CTPS2: variants seen among roughly 807,000 people sequenced by gnomAD.
CTPS2 encodes the protein CTP synthase II.
A neutral mutation model predicts 46.8 loss-of-function variants in CTPS2; 19 were observed. The observed-to-expected ratio is 0.41, with a 90% CI of 0.28 to 0.60. The LOEUF (loss-of-function observed/expected upper bound fraction) is 0.60, where lower values mean the gene tolerates loss of function less well. CTPS2 is among the 20% of genes least tolerant of loss of function. The probability of loss-of-function intolerance (pLI) is 0.35; values close to 1 mark genes in which losing one functional copy is unlikely to be tolerated. For synonymous variants in CTPS2, 151 were observed against 165.2 expected (o/e 0.91, Z 0.66); for missense variants, 286 against 447.6 (o/e 0.64, Z 3.26).
intron 6 of CTPS2, 94 bp from the exon 7 acceptor site, chrX:16,691,714 C>T (rs1284336796): frequency 2.3e-5 from 16 of 690,043 alleles, no homozygotes; most frequent in Middle Eastern, 3.6e-4. Flanking sequence ...CAAGTATGTA[C>T]TTGTTCACTT....
intron 11 of CTPS2, among the ~76,000 whole-genome samples, chrX:16,669,735 G>T (rs145967642): frequency 9.1e-5 from 10 of 109,602 alleles, no homozygotes; most frequent in Admixed American, 2.0e-4. Context: ...TGGTCTGCTG[G>T]CACTAAAAGC....
intron 13 of CTPS2, among the ~76,000 whole-genome samples, chrX:16,653,754 G>C (rs1299134480): frequency 8.9e-6 from 1 of 112,282 alleles, no homozygotes; most frequent in Non-Finnish European, 1.9e-5. Context: ...AAGTCATTTT[G>C]CATAGCTCAA....
At chrX:16,693,969 T>C (rs558168314) in intron 4 of CTPS2, among the ~76,000 whole-genome samples, 2 of 109,888 alleles carry the variant, frequency 1.8e-5, no homozygotes, top group Non-Finnish European at 3.8e-5. Flanking sequence ...ATCGGGACCA[T>C]CCTGGCCAAC....
intron 6 of CTPS2, among the ~76,000 whole-genome samples, chrX:16,692,277 T>TAAAA (rs1353034841): frequency 4.7e-4 from 50 of 106,157 alleles, no homozygotes; most frequent in African/African-American, 1.5e-3. Context: ...ACCCTGTCTC[T>TAAAA]ACAAACACAC....
In CTPS2 at chrX:16,588,783, C is replaced by T. The variant is rs1401652808; in HGVS notation, c.*1034G>A. ...TGGAAATAGTTAAAGGTGGTGGTTG[C>T]TCAACATCAGTGAATGCAACCAAAT... On this transcript the variant is annotated 3_prime_UTR_variant, in exon 19 of 19. Transcript: ENST00000359276. 7.1e-5 allele frequency: 8 copies of T among 112,218 alleles called. No individual in the cohort carries two copies. Among genetic ancestry groups the T allele is most frequent in the South Asian group, 3.7e-4 (1 of 2,694 alleles). 9.2% of individuals were successfully genotyped at this position (112,218 alleles called of 1,213,427 possible). A position where few individuals can be genotyped will look rare whatever the true frequency, so the allele number is the denominator to read the frequency against.
chrX:16,693,105 C>A, intron 6 of CTPS2, 36 bp downstream of exon 6: 17 of 936,448 alleles, frequency 1.8e-5, no homozygotes, highest in Non-Finnish European at 2.6e-5. Flanking sequence ...CTCCCAGAGA[C>A]CTTCAGGATA....
At chrX:16,680,881 G>A (rs927794323) in intron 9 of CTPS2, among the ~76,000 whole-genome samples, 1 of 109,555 alleles carries the variant, frequency 9.1e-6, no homozygotes, top group African/African-American at 3.3e-5. Context: ...GCGAGACCCC[G>A]TCTCTATAAA....
intron 18 of CTPS2, 37 bp downstream of exon 18, chrX:16,590,715 T>A (rs751461755): frequency 2.0e-5 from 15 of 768,371 alleles, no homozygotes; most frequent in Non-Finnish European, 2.6e-5. Context: ...AGCTTGTCCA[T>A]GAGAGAAATG....
chrX:16,653,894 C>T (rs143173071), intron 13 of CTPS2, among the ~76,000 whole-genome samples: 13 of 111,418 alleles, frequency 1.2e-4, no homozygotes, highest in East Asian at 8.5e-4. Context: ...GCCTGTTTCC[C>T]CACCTGTAAA....
chrX:16,615,932 C>T (rs933194600), intron 16 of CTPS2, among the ~76,000 whole-genome samples: 9 of 112,288 alleles, frequency 8.0e-5, no homozygotes, highest in Admixed American at 3.8e-4. Context: ...AACTGTGTTC[C>T]AATAAAACTT....
At chrX:16,637,981 C>T (rs987696409) in intron 14 of CTPS2, among the ~76,000 whole-genome samples, 1 of 111,758 alleles carries the variant, frequency 8.9e-6, no homozygotes, top group African/African-American at 3.2e-5. Flanking sequence ...TCTTGCCGGG[C>T]GTGGTGACTC....
chrX:16,595,098 T>A (rs1336512830), intron 17 of CTPS2, among the ~76,000 whole-genome samples: 1 of 111,517 alleles, frequency 9.0e-6, no homozygotes, highest in East Asian at 2.8e-4. Flanking sequence ...TCTGGGTATA[T>A]TTTCATTTAA....
chrX:16,710,676 T>C (rs1385484479), intron 1 of CTPS2, among the ~76,000 whole-genome samples: 1 of 111,828 alleles, frequency 8.9e-6, no homozygotes, highest in African/African-American at 3.2e-5. Flanking sequence ...TGGAGTGCAA[T>C]GACACGATCT....
chrX:16,681,236 T>A (rs907841291), intron 9 of CTPS2, among the ~76,000 whole-genome samples: 2 of 111,331 alleles, frequency 1.8e-5, no homozygotes, highest in African/African-American at 3.3e-5. Context: ...ATAAAATTTT[T>A]AAAAAGTGAT....
intron 14 of CTPS2, 106 bp from the exon 15 acceptor site, chrX:16,620,438 G>T: frequency 1.8e-6 from 1 of 549,468 alleles, no homozygotes. Context: ...ATCTATCAGA[G>T]GACTAAAAAT....
chrX:16,712,251 GCAGGGCGGAGAGGCCCTGGGGA>G (rs1178322383), intron 1 of CTPS2, 62 bp downstream of exon 1: 2 of 112,596 alleles, frequency 1.8e-5, no homozygotes, highest in African/African-American at 3.2e-5. Flanking sequence ...GGCTGGGGGT[GCAGGGCGGAGAGGCCCTGGGGA>G]CGAGGGATGG....
chrX:16,656,660 C>T (rs192357810), intron 13 of CTPS2, among the ~76,000 whole-genome samples: 87 of 111,801 alleles, frequency 7.8e-4, no homozygotes, highest in African/African-American at 2.8e-3. Context: ...GTGATCCGCT[C>T]GTCTCGGCCT....
intron 17 of CTPS2, among the ~76,000 whole-genome samples, chrX:16,597,311 G>A (rs956864262): frequency 8.9e-6 from 1 of 111,806 alleles, no homozygotes; most frequent in African/African-American, 3.3e-5. Context: ...TTCTTCTAGG[G>A]TTTTTATGGT....
chrX:16,621,996 C>T (rs1439861880), intron 14 of CTPS2, among the ~76,000 whole-genome samples: 1 of 110,978 alleles, frequency 9.0e-6, no homozygotes, highest in African/African-American at 3.3e-5. Context: ...TGAGAGAATG[C>T]GAACATACCA....
Sources: gnomAD v4.1 joint callset for allele counts (sites outside exome capture counted in the v4.1 genomes callset) on GRCh38, gnomAD v4.1.1 for gene constraint, MANE v1.5 for transcripts, NCBI Gene and HGNC (gene_info 2026-07-23, HGNC 2026-07-21) for gene names.